The following GRIK4 variants were observed in gnomAD, a reference collection of about 807,000 sequenced individuals.
The protein encoded by GRIK4 is glutamate ionotropic receptor kainate type subunit 4.
Under a neutral mutation model 104.9 loss-of-function variants are expected in GRIK4, and 40 were observed. The observed-to-expected ratio is 0.38, with a 90% CI of 0.30 to 0.50. The LOEUF (loss-of-function observed/expected upper bound fraction) is 0.50, where lower values mean the gene tolerates loss of function less well. GRIK4 is among the 20% of genes least tolerant of loss of function. The probability of loss-of-function intolerance (pLI) is 0.93; values close to 1 mark genes in which losing one functional copy is unlikely to be tolerated. For missense variants in GRIK4, 1,047 were observed against 1,308.1 expected, an observed-to-expected ratio of 0.80 and a Z score of 3.08; for synonymous variants, 485 against 524.9, an observed-to-expected ratio of 0.92 and a Z score of 1.04.
At position 120,831,968 on chromosome 11, in the gene GRIK4, G is replaced by A. The variant is rs762037476; in HGVS notation, c.628G>A (p.Asp210Asn). 5 of 1,613,782 alleles carry A rather than the reference G, an allele frequency of 3.1e-6. No individual in the cohort carries two copies. Among genetic ancestry groups the A allele is most frequent in the African/African-American group, 1.3e-5 (1 of 74,888 alleles). ...PTPLLKEIRD[D>N]KTATIIIHAN... ...CCCGCTCCTCAAGGAGATCCGGGAC[G>A]ACAAGACCGCCACCATCATCATCCA... The change falls in exon 7 of 21, where the codon GAC becomes AAC. Residue 210 changes from aspartate to asparagine, a missense_variant. Transcript: ENST00000527524.
At chr11:120,611,782 C>G (rs1334243424) in intron 1 of GRIK4, among the ~76,000 whole-genome samples, 1 of 152,212 alleles carries the variant, frequency 6.6e-6, no homozygotes, top group Non-Finnish European at 1.5e-5. Context: ...CTCCCTTCCC[C>G]CGCAGCATCA....
chr11:120,548,154 G>A (rs80139453), intron 1 of GRIK4, among the ~76,000 whole-genome samples: 1,751 of 152,238 alleles, frequency 0.012, 42 homozygotes, highest in Non-Finnish European at 0.013. Flanking sequence ...TGAGGCCCAC[G>A]CTGTCTCCCT....
intron 3 of GRIK4, among the ~76,000 whole-genome samples, chr11:120,781,207 T>A (rs969573184): frequency 1.2e-4 from 18 of 152,088 alleles, no homozygotes; most frequent in African/African-American, 4.1e-4. Context: ...TTGGTAATAG[T>A]CATCCTAATG....
chr11:120,550,169 T>G (rs1291588471), intron 1 of GRIK4, among the ~76,000 whole-genome samples: 1 of 151,884 alleles, frequency 6.6e-6, no homozygotes, highest in East Asian at 1.9e-4. Flanking sequence ...AAGAAGGGGC[T>G]TACACCCAGG....
chr11:120,738,136 A>G (rs1367617652), intron 3 of GRIK4, among the ~76,000 whole-genome samples: 2 of 152,234 alleles, frequency 1.3e-5, no homozygotes, highest in African/African-American at 2.4e-5. Context: ...TGGTAGCTAT[A>G]AAGGAACAGA....
At chr11:120,830,742 A>G (rs1237399306) in intron 6 of GRIK4, among the ~76,000 whole-genome samples, 1 of 152,194 alleles carries the variant, frequency 6.6e-6, no homozygotes, top group East Asian at 1.9e-4. Context: ...TCGCACATTA[A>G]CTGGAACACA....
chr11:120,858,225 G>A (rs1373609345), intron 8 of GRIK4: 1 of 152,200 alleles, frequency 6.6e-6, no homozygotes, highest in African/African-American at 2.4e-5. Context: ...GCCTAAGTGA[G>A]CCAGGTGTGC....
At chr11:120,742,523 A>ATTT (rs142502433) in intron 3 of GRIK4, among the ~76,000 whole-genome samples, 98 of 115,708 alleles carry the variant, frequency 8.5e-4, no homozygotes, top group Non-Finnish European at 1.5e-3. Context: ...TATTATTATT[A>ATTT]TTATTTTTTT....
At chr11:120,597,896 C>G (rs371125410) in intron 1 of GRIK4, among the ~76,000 whole-genome samples, 1 of 152,094 alleles carries the variant, frequency 6.6e-6, no homozygotes, top group Non-Finnish European at 1.5e-5. Context: ...ACTCCTGTTC[C>G]GAGCCCTAAT....
rs542940797 is a variant in GRIK4 at position 120,707,215 on chromosome 11, T to A, written c.82+46815T>A. On this transcript the variant is annotated intron_variant, in intron 3 of 20. Transcript: ENST00000527524. ...CCCTGGGAAGCCATGGAAGGGAGGC[T>A]AAGTACATGAGTCAGGACCACACAC... Among the ~76,000 whole-genome samples, 4 of 152,278 alleles carry A rather than the reference T, an allele frequency of 2.6e-5. No homozygotes were observed. The East Asian group carries it at 7.7e-4, about 29-fold the overall frequency.
At chr11:120,751,224 G>A (rs1047081684) in intron 3 of GRIK4, among the ~76,000 whole-genome samples, 2 of 152,086 alleles carry the variant, frequency 1.3e-5, no homozygotes, top group Admixed American at 6.5e-5. Flanking sequence ...CCTGGCAGGG[G>A]CAGGCAGAGC....
intron 4 of GRIK4, among the ~76,000 whole-genome samples, chr11:120,808,527 G>C (rs1011351162): frequency 6.6e-6 from 1 of 152,186 alleles, no homozygotes; most frequent in South Asian, 2.1e-4. Flanking sequence ...GAGGAGAGGC[G>C]ATGGCGGTCT....
intron 1 of GRIK4, among the ~76,000 whole-genome samples, chr11:120,589,176 A>G (rs1164965817): frequency 1.3e-5 from 2 of 152,192 alleles, no homozygotes; most frequent in Non-Finnish European, 2.9e-5. Flanking sequence ...GTGGCTAAAC[A>G]ACTTGTAATA....
At chr11:120,729,731 T>C (rs990847393) in intron 3 of GRIK4, among the ~76,000 whole-genome samples, 2 of 152,182 alleles carry the variant, frequency 1.3e-5, no homozygotes, top group African/African-American at 4.8e-5. Flanking sequence ...GTTTGCTGAC[T>C]GTTTCCTTTG....
At chr11:120,687,030 C>T (rs891060466) in intron 3 of GRIK4, among the ~76,000 whole-genome samples, 6 of 152,308 alleles carry the variant, frequency 3.9e-5, no homozygotes, top group African/African-American at 1.4e-4. Context: ...GGTGATGGAG[C>T]AGAAGCACTG....
chr11:120,591,066 G>A (rs1948726997), intron 1 of GRIK4, among the ~76,000 whole-genome samples: 1 of 152,064 alleles, frequency 6.6e-6, no homozygotes, highest in South Asian at 2.1e-4. Flanking sequence ...TTCTCACACT[G>A]GAAGCGTAAA....
At chr11:120,730,285 G>A (rs1194417866) in intron 3 of GRIK4, among the ~76,000 whole-genome samples, 1 of 152,150 alleles carries the variant, frequency 6.6e-6, no homozygotes, top group African/African-American at 2.4e-5. Context: ...TTTAGCCCAG[G>A]AGGCAGAGGT....
At chr11:120,593,593 C>G (rs997579753) in intron 1 of GRIK4, among the ~76,000 whole-genome samples, 1 of 152,112 alleles carries the variant, frequency 6.6e-6, no homozygotes, top group East Asian at 1.9e-4. Context: ...CCTTGCCCCC[C>G]ACTTCTCTAA....
At chr11:120,895,818 A>G (rs1413595139) in intron 11 of GRIK4, among the ~76,000 whole-genome samples, 1 of 152,186 alleles carries the variant, frequency 6.6e-6, no homozygotes, top group Non-Finnish European at 1.5e-5. Flanking sequence ...TGACACATCT[A>G]ACACATCAGG....
Sources: allele counts gnomAD v4.1 joint callset (sites outside exome capture counted in the v4.1 genomes callset), GRCh38; gene constraint gnomAD v4.1.1; transcripts MANE v1.5; gene names NCBI Gene and HGNC (gene_info 2026-07-23, HGNC 2026-07-21).